The following MLLT3 variants were observed in gnomAD, a reference collection of about 807,000 sequenced individuals.
The protein encoded by MLLT3 is protein AF-9.
In MLLT3, 4 loss-of-function variants were observed where a neutral mutation model predicts 53.2. The ratio of observed to expected loss-of-function variants is 0.08; its 90% CI spans 0.04 to 0.17. The LOEUF is 0.17. MLLT3 is among the 10% of genes least tolerant of loss of function. The pLI, the probability that MLLT3 is intolerant of heterozygous loss-of-function variation, is 1.00. For synonymous variants in MLLT3, 283 were observed against 230.6 expected, an observed-to-expected ratio of 1.23 and a Z score of -2.06; for missense variants, 569 against 684.0, an observed-to-expected ratio of 0.83 and a Z score of 1.87.
chr9:20,420,026 A>G (rs1438310102), intron 4 of MLLT3, among the ~76,000 whole-genome samples: 2 of 152,222 alleles, frequency 1.3e-5, no homozygotes, highest in African/African-American at 2.4e-5. Flanking sequence ...TAGGGTGTCA[A>G]GGTGAAAGAA....
intron 2 of MLLT3, among the ~76,000 whole-genome samples, chr9:20,569,797 T>G (rs1410196634): frequency 1.3e-5 from 2 of 152,182 alleles, no homozygotes; most frequent in African/African-American, 4.8e-5. Flanking sequence ...TTAGTGGAGC[T>G]AACATACCTA....
At chr9:20,417,796 C>T (rs146454914) in intron 4 of MLLT3, among the ~76,000 whole-genome samples, 1 of 152,204 alleles carries the variant, frequency 6.6e-6, no homozygotes, top group African/African-American at 2.4e-5. Flanking sequence ...TCTTCTAATA[C>T]TACTTGTCAG....
chr9:20,358,245 T>G (rs1003678396), intron 8 of MLLT3, among the ~76,000 whole-genome samples: 2 of 152,152 alleles, frequency 1.3e-5, no homozygotes, highest in African/African-American at 4.8e-5. Context: ...CCTTTACTTG[T>G]CCTCTCGGCT....
chr9:20,550,925 A>T (rs982195757), intron 2 of MLLT3, among the ~76,000 whole-genome samples: 2 of 151,758 alleles, frequency 1.3e-5, no homozygotes, highest in Non-Finnish European at 2.9e-5. Flanking sequence ...GCCCAGCTAA[A>T]TTTTTTTCAT....
At chr9:20,392,608 A>G (rs1822216033) in intron 5 of MLLT3, among the ~76,000 whole-genome samples, 1 of 152,134 alleles carries the variant, frequency 6.6e-6, no homozygotes, top group South Asian at 2.1e-4. Context: ...TAGCATTTCT[A>G]CTCGATGAGA....
rs546423389 is a variant in MLLT3 at position 20,425,816 on chromosome 9, TAGTAAATTTTCATTTGCCC to T, written c.421-11410_421-11392del. Reference sequence around the variant, plus strand: ...TCAACTATGAAGAGAAAAGAATAAGTAGTAAATTTTCATTTGCCCAGCCTTTTGTTCTAAAGAATTTAAG... The same window carrying T: ...TCAACTATGAAGAGAAAAGAATAAGTAGCCTTTTGTTCTAAAGAATTTAAG... On this transcript the variant is annotated intron_variant, in intron 4 of 10. Coordinates refer to ENST00000380338, the MANE Select transcript of MLLT3 (RefSeq NM_004529.4). Among the ~76,000 whole-genome samples the T allele has an allele frequency of 1.1e-4, 17 of 152,082 alleles. No individual in the cohort carries two copies. In the South Asian group the frequency reaches 3.5e-3, roughly 32 times the overall value.
Position 20,448,622 on chromosome 9 carries a change from C to G in MLLT3, c.277-356G>C, listed in dbSNP as rs1013808933. On this transcript the variant is annotated intron_variant, in intron 3 of 10. Transcript: ENST00000380338. This position sits in a 1 kb window ranked among gnomAD's most constrained non-coding sequence, Gnocchi z 4.0. ...TCACCATCAAAGGCTGCCATTTTCT[C>G]CATAAATATTTCTTCAACAAGCCCT... 5.9e-5 allele frequency among the ~76,000 whole-genome samples: 9 copies of G among 152,122 alleles called. No individual in the cohort carries two copies. The highest frequency in any genetic ancestry group is 1.2e-4 in the Non-Finnish European group (8 of 68,000).
At chr9:20,537,067 A>G (rs549584967) in intron 2 of MLLT3, among the ~76,000 whole-genome samples, 1 of 152,358 alleles carries the variant, frequency 6.6e-6, no homozygotes, top group African/African-American at 2.4e-5. Context: ...TATAGATGGG[A>G]AGTCCCAAAG....
At chr9:20,350,838 A>G (rs1821008165) in intron 10 of MLLT3, among the ~76,000 whole-genome samples, 1 of 152,216 alleles carries the variant, frequency 6.6e-6, no homozygotes, top group Non-Finnish European at 1.5e-5. Context: ...TTTTAATTAT[A>G]AAAAGGTAAA....
chr9:20,429,720 C>A (rs1205627458), intron 4 of MLLT3, among the ~76,000 whole-genome samples: 1 of 152,084 alleles, frequency 6.6e-6, no homozygotes, highest in Non-Finnish European at 1.5e-5. Flanking sequence ...CTGATAAAAT[C>A]AAAAATTCAT....
chr9:20,517,469 A>T (rs890482340), intron 2 of MLLT3, among the ~76,000 whole-genome samples: 1 of 151,862 alleles, frequency 6.6e-6, no homozygotes, highest in Non-Finnish European at 1.5e-5. Context: ...AAAAAAAAAA[A>T]GAAAATTGGT....
intron 2 of MLLT3, among the ~76,000 whole-genome samples, chr9:20,520,971 T>TTGTA (rs897442669): frequency 6.6e-6 from 1 of 152,100 alleles, no homozygotes; most frequent in Non-Finnish European, 1.5e-5. Context: ...GACAAAAGAG[T>TTGTA]TGTAGACAGG....
intron 5 of MLLT3, among the ~76,000 whole-genome samples, chr9:20,391,711 T>G (rs191256866): frequency 5.8e-4 from 88 of 152,320 alleles, no homozygotes; most frequent in Non-Finnish European, 1.1e-3. Flanking sequence ...TTCCATCAAC[T>G]ACCATGTTTT....
chr9:20,467,690 G>T (rs150486910), intron 2 of MLLT3, among the ~76,000 whole-genome samples: 6 of 152,120 alleles, frequency 3.9e-5, no homozygotes, highest in African/African-American at 1.4e-4. Context: ...CAAATAATGC[G>T]CAAAGCATAT....
At chr9:20,590,596 C>G (rs1429164672) in intron 2 of MLLT3, among the ~76,000 whole-genome samples, 1 of 152,176 alleles carries the variant, frequency 6.6e-6, no homozygotes, top group East Asian at 1.9e-4. Flanking sequence ...GCCTGCTTCC[C>G]CTTCTGCCAT....
chr9:20,443,685 T>C (rs1586953033), intron 4 of MLLT3, among the ~76,000 whole-genome samples: 1 of 152,332 alleles, frequency 6.6e-6, no homozygotes, highest in South Asian at 2.1e-4. Flanking sequence ...TTTTTCACCA[T>C]ACCTTTAAGT....
intron 2 of MLLT3, among the ~76,000 whole-genome samples, chr9:20,467,445 G>C (rs1824264376): frequency 6.6e-6 from 1 of 152,128 alleles, no homozygotes; most frequent in African/African-American, 2.4e-5. Context: ...GGGTGTGGTG[G>C]CACGCGCCTG....
intron 5 of MLLT3, among the ~76,000 whole-genome samples, chr9:20,399,400 G>T (rs1208384165): frequency 2.0e-5 from 3 of 152,162 alleles, no homozygotes; most frequent in Non-Finnish European, 2.9e-5. Flanking sequence ...GCAAAGAGCT[G>T]TGAGATTAGA....
intron 2 of MLLT3, among the ~76,000 whole-genome samples, chr9:20,460,844 T>C (rs1824088311): frequency 6.6e-6 from 1 of 152,206 alleles, no homozygotes; most frequent in Non-Finnish European, 1.5e-5. Flanking sequence ...TTAAAGCTTT[T>C]AAAAAATTGG....
Sources: gnomAD v4.1 joint callset for allele counts (sites outside exome capture counted in the v4.1 genomes callset) on GRCh38, gnomAD v4.1.1 for gene constraint, Gnocchi (gnomAD v3.1) non-coding constraint, MANE v1.5 for transcripts, NCBI Gene and HGNC (gene_info 2026-07-23, HGNC 2026-07-21) for gene names.